SLCO1B1: variants seen among roughly 807,000 people sequenced by gnomAD.
SLCO1B1 encodes the protein solute carrier organic anion transporter family member 1B1, also known as OATP-2.
In SLCO1B1, 81 loss-of-function variants were observed where a neutral mutation model predicts 70.1. The ratio of observed to expected loss-of-function variants is 1.16; its 90% CI spans 0.97 to 1.39. The LOEUF (loss-of-function observed/expected upper bound fraction) is 1.39. Among genes scored for constraint, SLCO1B1 ranks in the 40% most tolerant of loss-of-function variants. The pLI, the probability that SLCO1B1 is intolerant of heterozygous loss-of-function variation, is 0.00. For missense variants in SLCO1B1, 895 were observed against 799.6 expected, an observed-to-expected ratio of 1.12 and a Z score of -1.44; for synonymous variants, 283 against 271.5, an observed-to-expected ratio of 1.04 and a Z score of -0.42.
intron 14 of SLCO1B1, among the ~76,000 whole-genome samples, chr12:21,229,977 A>G (rs1011182822): frequency 1.6e-4 from 25 of 152,170 alleles, no homozygotes; most frequent in African/African-American, 5.8e-4. Flanking sequence ...TCTCACTATT[A>G]AGTATGAAGT....
chr12:21,192,829 C>T (rs899768358), intron 7 of SLCO1B1, among the ~76,000 whole-genome samples: 1 of 152,132 alleles, frequency 6.6e-6, no homozygotes, highest in Admixed American at 6.5e-5. Flanking sequence ...ATTTACCCTA[C>T]AAATGTAGAT....
At chr12:21,139,327 C>T (rs1451563056) in intron 1 of SLCO1B1, among the ~76,000 whole-genome samples, 1 of 152,000 alleles carries the variant, frequency 6.6e-6, no homozygotes, top group Non-Finnish European at 1.5e-5. Context: ...TTTTTCTTAC[C>T]TCACTGAACC....
chr12:21,164,095 T>C (rs1162497837), intron 2 of SLCO1B1, among the ~76,000 whole-genome samples: 1 of 152,138 alleles, frequency 6.6e-6, no homozygotes, highest in Non-Finnish European at 1.5e-5. Flanking sequence ...AAGCATTTGG[T>C]GGAGGCAGAT....
At chr12:21,225,424 T>C (rs977840330) in intron 14 of SLCO1B1, among the ~76,000 whole-genome samples, 1 of 152,106 alleles carries the variant, frequency 6.6e-6, no homozygotes, top group Non-Finnish European at 1.5e-5. Context: ...ACTTTACCTC[T>C]TTAAAAAAAA....
chr12:21,216,532 C>G (rs1941359445), intron 11 of SLCO1B1, among the ~76,000 whole-genome samples: 1 of 152,134 alleles, frequency 6.6e-6, no homozygotes, highest in South Asian at 2.1e-4. Flanking sequence ...GTGGGGCATT[C>G]TGTTGTGTTT....
At position 21,224,892 on chromosome 12, in the gene SLCO1B1, TA is replaced by T. The variant is rs66517488; in HGVS notation, c.1865+59del. 1,891 of 901,710 alleles carry T rather than the reference TA, an allele frequency of 2.1e-3. 4 individuals are homozygous for T. The highest frequency in any genetic ancestry group is 2.9e-3 in the Non-Finnish European group (1,648 of 571,708). 55.9% of individuals were successfully genotyped at this position (901,710 alleles called of 1,614,324 possible). A position where few individuals can be genotyped will look rare whatever the true frequency, so the allele number is the denominator to read the frequency against. On this transcript the variant is annotated intron_variant, in intron 14 of 14. Coordinates refer to ENST00000256958, the MANE Select transcript of SLCO1B1 (RefSeq NM_006446.5). ...TTTTTTCTTTGACTATATTAATTCCTAAAAAATATCATTTTCATTATATAAT... is the reference window on the plus strand; with the variant it reads ...TTTTTTCTTTGACTATATTAATTCCTAAAAATATCATTTTCATTATATAAT...
At chr12:21,199,249 C>A (rs1941129676) in intron 8 of SLCO1B1, among the ~76,000 whole-genome samples, 1 of 152,092 alleles carries the variant, frequency 6.6e-6, no homozygotes, top group South Asian at 2.1e-4. Context: ...TCCGTATCAT[C>A]CAACTCTCAG....
chr12:21,236,657 T>TG (rs1713389117), intron 14 of SLCO1B1, among the ~76,000 whole-genome samples: 1 of 152,194 alleles, frequency 6.6e-6, no homozygotes, highest in South Asian at 2.1e-4. Context: ...CAGGGTTCTC[T>TG]GGGGGTTGAT....
chr12:21,229,842 T>G (rs917079060), intron 14 of SLCO1B1, among the ~76,000 whole-genome samples: 1 of 152,252 alleles, frequency 6.6e-6, no homozygotes, highest in Non-Finnish European at 1.5e-5. Context: ...TCAATCTATA[T>G]ACATTTCATT....
intron 7 of SLCO1B1, 48 bp from the exon 8 acceptor site, chr12:21,196,898 T>G (rs1941098272): frequency 6.4e-7 from 1 of 1,567,810 alleles, no homozygotes; most frequent in Admixed American, 1.7e-5. Context: ...CTGAACCTAT[T>G]GTATTTCAAA....
intron 5 of SLCO1B1, among the ~76,000 whole-genome samples, chr12:21,177,574 T>C (rs935691444): frequency 1.3e-5 from 2 of 152,106 alleles, no homozygotes; most frequent in Non-Finnish European, 2.9e-5. Context: ...ATTGTATATA[T>C]TGCTGGAAGT....
chr12:21,178,977 T>C lies in SLCO1B1; in HGVS notation c.684T>C (p.Ser228=), dbSNP rs772849705. 5 of 1,611,832 alleles carry C rather than the reference T, an allele frequency of 3.1e-6. No individual in the cohort carries two copies. Among genetic ancestry groups the C allele is most frequent in the Non-Finnish European group, 4.2e-6 (5 of 1,178,344 alleles). The change falls in exon 7 of 15, where the codon TCT becomes TCC. Residue 228 remains serine, a synonymous_variant. Coordinates refer to ENST00000256958, the MANE Select transcript of SLCO1B1 (RefSeq NM_006446.5). ...IGPIIGFTLG[S]LFSKMYVDIG... ...CAATCATTGGCTTTACCCTGGGATC[T>C]CTGTTTTCTAAAATGTACGTGGATA... is the stretch of plus-strand genomic sequence containing the variant.
chr12:21,232,670 A>G (rs7969341), intron 14 of SLCO1B1, among the ~76,000 whole-genome samples: 32,944 of 151,962 alleles, frequency 0.22, 3,995 homozygotes, highest in East Asian at 0.45. Context: ...TCATTTTTCT[A>G]TTAATCAGAC....
intron 11 of SLCO1B1, among the ~76,000 whole-genome samples, chr12:21,210,236 A>C (rs1198896404): frequency 7.5e-5 from 10 of 132,716 alleles, no homozygotes; most frequent in African/African-American, 2.6e-4. Context: ...TGATTTTTGT[A>C]TAAGGTGTAA....
intron 14 of SLCO1B1, among the ~76,000 whole-genome samples, chr12:21,234,944 G>T (rs1205787581): frequency 6.6e-6 from 1 of 151,950 alleles, no homozygotes; most frequent in Non-Finnish European, 1.5e-5. Context: ...AATTTATTGT[G>T]ACTTATGACT....
chr12:21,202,442 A>G (rs750181827), intron 9 of SLCO1B1, 49 bp from the exon 10 acceptor site: 4 of 1,160,346 alleles, frequency 3.4e-6, no homozygotes, highest in Admixed American at 4.2e-5. Flanking sequence ...CTATAAAGAC[A>G]TATCAGAAAA....
intron 12 of SLCO1B1, among the ~76,000 whole-genome samples, chr12:21,221,774 T>A (rs1004900837): frequency 2.6e-5 from 4 of 152,086 alleles, no homozygotes; most frequent in Non-Finnish European, 5.9e-5. Flanking sequence ...CTGGTAAGAA[T>A]GTTGAGGAAA....
At chr12:21,184,342 AT>A (rs1189347971) in intron 7 of SLCO1B1, among the ~76,000 whole-genome samples, 1 of 152,066 alleles carries the variant, frequency 6.6e-6, no homozygotes, top group African/African-American at 2.4e-5. Context: ...ATATTTTAAG[AT>A]TTTTTTGGGG....
chr12:21,197,336 C>CTGATACTTCCTACTGTTTTT, intron 8 of SLCO1B1, 148 bp downstream of exon 8: 1 of 807,904 alleles, frequency 1.2e-6, no homozygotes, highest in Non-Finnish European at 1.9e-6. Context: ...TTCTAAAACT[C>CTGATACTTCCTACTGTTTTT]CTATTAAAGT....
Sources: gnomAD v4.1 joint callset for allele counts (sites outside exome capture counted in the v4.1 genomes callset) on GRCh38, gnomAD v4.1.1 for gene constraint, MANE v1.5 for transcripts, NCBI Gene and HGNC (gene_info 2026-07-23, HGNC 2026-07-21) for gene names.